LRP1B: variants seen among roughly 807,000 people sequenced by gnomAD.
The protein encoded by LRP1B is LDL receptor related protein 1B, also known as low-density lipoprotein receptor-related protein 1B.
Under a neutral mutation model 556.6 loss-of-function variants are expected in LRP1B, and 217 were observed. That is an observed-to-expected ratio of 0.39 (90% CI 0.35 to 0.44). The LOEUF (loss-of-function observed/expected upper bound fraction) is 0.44. LRP1B is among the 20% of genes least tolerant of loss of function. LRP1B has a pLI of 1.00. For missense variants in LRP1B, 5,053 were observed against 5,620.8 expected, an observed-to-expected ratio of 0.90 and a Z score of 3.23; for synonymous variants, 2,047 against 1,865.8, an observed-to-expected ratio of 1.10 and a Z score of -2.50.
intron 82 of LRP1B, among the ~76,000 whole-genome samples, chr2:140,315,966 C>G (rs1467926509): frequency 2.0e-5 from 3 of 152,010 alleles, no homozygotes; most frequent in Non-Finnish European, 4.4e-5. Context: ...TAAATGATTC[C>G]GTAGAGTCTA....
At chr2:140,335,362 C>A (rs1681027351) in intron 78 of LRP1B, among the ~76,000 whole-genome samples, 1 of 151,780 alleles carries the variant, frequency 6.6e-6, no homozygotes, top group African/African-American at 2.4e-5. Context: ...CACATATAAC[C>A]ATGCACAGAC....
Position 140,700,601 on chromosome 2 carries a change from C to G in LRP1B, c.6448G>C (p.Asp2150His), listed in dbSNP as rs1372255159. The change falls in exon 41 of 91, where the codon GAC becomes CAC. Residue 2150 changes from aspartate (D) to histidine (H), a missense_variant. Transcript: ENST00000389484. ...REKGTNVCAR[D>H]NGGCKQLCLY... ...CAGAGTTGCTTACAGCCACCATTGT[C>G]CCTGGCACAAACATTGGTCCCTAAT... is the stretch of plus-strand genomic sequence containing the variant. 1.2e-6 allele frequency: 2 copies of G among 1,613,450 alleles called. No homozygotes were observed. The highest frequency in any genetic ancestry group is 1.7e-6 in the Non-Finnish European group (2 of 1,179,592).
chr2:140,749,121 C>CTAAGCTA (rs1159301077), intron 35 of LRP1B, among the ~76,000 whole-genome samples: 2 of 151,610 alleles, frequency 1.3e-5, no homozygotes, highest in Admixed American at 1.3e-4. Context: ...AGAAAAGCTA[C>CTAAGCTA]AGCAAAAATA....
intron 77 of LRP1B, among the ~76,000 whole-genome samples, chr2:140,338,486 C>T (rs1044646070): frequency 4.6e-5 from 7 of 151,612 alleles, no homozygotes; most frequent in African/African-American, 1.7e-4. Flanking sequence ...CAACCTATGG[C>T]CAAATTAGGA....
intron 1 of LRP1B, among the ~76,000 whole-genome samples, chr2:141,946,782 A>G (rs1700965127): frequency 6.6e-6 from 1 of 152,324 alleles, no homozygotes; most frequent in East Asian, 1.9e-4. Flanking sequence ...TTTCATCTGT[A>G]TCTCACCGAC....
chr2:140,988,316 C>T (rs1329031385), intron 17 of LRP1B, among the ~76,000 whole-genome samples: 1 of 151,966 alleles, frequency 6.6e-6, no homozygotes, highest in Non-Finnish European at 1.5e-5. Flanking sequence ...AAAAGATTTG[C>T]TATGAGACAA....
At chr2:140,994,754 T>G (rs1478725502) in intron 15 of LRP1B, among the ~76,000 whole-genome samples, 3 of 151,968 alleles carry the variant, frequency 2.0e-5, no homozygotes, top group African/African-American at 7.2e-5. Context: ...TGTCCTAAAA[T>G]TTTACATACT....
intron 7 of LRP1B, among the ~76,000 whole-genome samples, chr2:141,136,208 T>G (rs1701488693): frequency 6.6e-6 from 1 of 151,938 alleles, no homozygotes; most frequent in Non-Finnish European, 1.5e-5. Flanking sequence ...AGTGTCTGTG[T>G]GCAGAGTGTG....
chr2:141,633,788 TCA>T (rs1688998357), intron 2 of LRP1B, among the ~76,000 whole-genome samples: 1 of 58,164 alleles, frequency 1.7e-5, no homozygotes, highest in Non-Finnish European at 5.4e-5. Flanking sequence ...ACATGCACAC[TCA>T]AACTACATTA....
chr2:140,978,763 G>T (rs114236686), intron 18 of LRP1B, among the ~76,000 whole-genome samples: 3 of 152,128 alleles, frequency 2.0e-5, no homozygotes, highest in Non-Finnish European at 4.4e-5. Context: ...AAAGGTAAAT[G>T]TGTGTTACTG....
At chr2:141,753,759 A>G (rs2105575061) in intron 2 of LRP1B, among the ~76,000 whole-genome samples, 1 of 152,268 alleles carries the variant, frequency 6.6e-6, no homozygotes, top group East Asian at 1.9e-4. Flanking sequence ...TACTGGCTAA[A>G]GTTGCCCCTC....
intron 12 of LRP1B, 83 bp from the exon 13 acceptor site, chr2:141,015,998 T>TC: frequency 9.9e-7 from 1 of 1,007,232 alleles, no homozygotes; most frequent in South Asian, 1.3e-5. Flanking sequence ...ATTTGGCAGT[T>TC]CCATAAATTC....
chr2:141,414,287 G>A (rs1157907632), intron 3 of LRP1B, among the ~76,000 whole-genome samples: 2 of 147,902 alleles, frequency 1.4e-5, no homozygotes, highest in African/African-American at 5.0e-5. Context: ...GAGGGGGAGA[G>A]GGAGGCAGGG....
chr2:141,293,362 A>T (rs1686048838), intron 3 of LRP1B, among the ~76,000 whole-genome samples: 2 of 152,164 alleles, frequency 1.3e-5, no homozygotes, highest in South Asian at 4.1e-4. Flanking sequence ...CTCAATAATT[A>T]TGTGGTTTAG....
chr2:141,941,230 C>T (rs1490598233), intron 1 of LRP1B, among the ~76,000 whole-genome samples: 4 of 152,162 alleles, frequency 2.6e-5, no homozygotes, highest in Admixed American at 1.3e-4. Context: ...TGAGGAATTT[C>T]ACCACAAAAT....
intron 2 of LRP1B, among the ~76,000 whole-genome samples, chr2:141,543,247 G>T (rs1345082235): frequency 6.6e-6 from 1 of 151,822 alleles, no homozygotes; most frequent in African/African-American, 2.4e-5. Context: ...GGTGGCCCAG[G>T]CCTGTAGTCC....
chr2:141,153,363 T>A (rs1377643132), intron 7 of LRP1B, among the ~76,000 whole-genome samples: 2 of 116,870 alleles, frequency 1.7e-5, no homozygotes, highest in African/African-American at 3.2e-5. Flanking sequence ...GCTATATATA[T>A]TTATATATAA....
At chr2:141,921,958 G>A (rs1700197123) in intron 1 of LRP1B, among the ~76,000 whole-genome samples, 1 of 151,788 alleles carries the variant, frequency 6.6e-6, no homozygotes. Flanking sequence ...GGTCTTAAAG[G>A]CCATAAACCT....
At chr2:141,480,673 G>T in intron 2 of LRP1B, 140 bp from the exon 3 acceptor site, 1 of 839,388 alleles carries the variant, frequency 1.2e-6, no homozygotes, top group Non-Finnish European at 2.0e-6. Flanking sequence ...TGTTCTCAGA[G>T]ACATTGAAGT....
Sources: allele counts gnomAD v4.1 joint callset (sites outside exome capture counted in the v4.1 genomes callset), GRCh38; gene constraint gnomAD v4.1.1; transcripts MANE v1.5; gene names NCBI Gene and HGNC (gene_info 2026-07-23, HGNC 2026-07-21).